Variants in CLK1 observed in about 807,000 individuals in gnomAD.
CLK1 encodes dual specificity protein kinase CLK1.
A neutral mutation model predicts 60.9 loss-of-function variants in CLK1; 40 were observed. That is an observed-to-expected ratio of 0.66 (90% CI 0.51 to 0.86). The LOEUF (loss-of-function observed/expected upper bound fraction) is 0.86, where lower values mean the gene tolerates loss of function less well. Ranked by LOEUF, CLK1 falls within the 40% of genes least tolerant of loss-of-function variation. CLK1 has a pLI of 0.00. For synonymous variants in CLK1, 203 were observed against 184.4 expected (o/e 1.10, Z -0.82); for missense variants, 563 against 606.1 (o/e 0.93, Z 0.75).
intron 3 of CLK1, chr2:200,860,975 A>G (rs569390039): frequency 8.1e-7 from 1 of 1,229,986 alleles, no homozygotes; most frequent in Non-Finnish European, 1.0e-6. Flanking sequence ...AATAATTTTC[A>G]ACTAATCTAA....
rs576072012 is a variant in CLK1, at chr2:200,864,295, T to C, written c.-1+269A>G. The C allele has an allele frequency of 1.5e-4, 217 of 1,480,526 alleles. 3 individuals carry two copies. The South Asian group carries it at 2.7e-3, about 19-fold the overall frequency. The allele number at this position is 1,480,526 out of a possible 1,614,324, so 91.7% of individuals were successfully genotyped here. ...ACCGTCCCGCGTCAGGCGGCGCCGC[T>C]TCCTCAGCGGAGGGCAGAAGCTCCA... On this transcript the variant is annotated intron_variant, in intron 1 of 12. Coordinates refer to ENST00000321356, the MANE Select transcript of CLK1 (RefSeq NM_004071.4).
At chr2:200,860,809 G>C (rs1463057354) in intron 3 of CLK1, 1 of 1,028,168 alleles carries the variant, frequency 9.7e-7, no homozygotes. Flanking sequence ...CTTAGTGAAA[G>C]AAGGGTTAGA....
intron 1 of CLK1, 44 bp from the exon 2 acceptor site, chr2:200,861,906 CTG>C (rs1285948605): frequency 7.0e-6 from 11 of 1,570,474 alleles, no homozygotes; most frequent in Non-Finnish European, 9.6e-6. Context: ...GTACCCCACA[CTG>C]AGCTGTTTAA....
intron 1 of CLK1, among the ~76,000 whole-genome samples, chr2:200,862,385 T>C (rs1295413203): frequency 6.6e-6 from 1 of 152,202 alleles, no homozygotes; most frequent in Non-Finnish European, 1.5e-5. Flanking sequence ...CAATATACTT[T>C]GTAATCTCCC....
chr2:200,857,021 C>CACCAA, intron 7 of CLK1, 36 bp from the exon 8 acceptor site: 1 of 1,555,994 alleles, frequency 6.4e-7, no homozygotes. Flanking sequence ...AATCAGAAAA[C>CACCAA]ACCAAACCAA....
At chr2:200,856,550 T>C in intron 9 of CLK1, 132 bp downstream of exon 9, 2 of 665,942 alleles carry the variant, frequency 3.0e-6, no homozygotes, top group Non-Finnish European at 4.9e-6. Flanking sequence ...TTAAAATCCA[T>C]AATGCACTTC....
Position 200,857,973 on chromosome 2 carries a change from A to G in CLK1, c.665T>C (p.Phe222Ser), listed in dbSNP as rs1365020932. 1.2e-6 allele frequency: 2 copies of G among 1,613,426 alleles called. No individual in the cohort carries two copies. Among genetic ancestry groups the G allele is most frequent in the South Asian group, 2.2e-5 (2 of 91,060 alleles). The change falls in exon 6 of 13, where the codon TTC (phenylalanine) becomes TCC (serine). Residue 222 changes from phenylalanine to serine, a missense_variant and splice_region_variant. By Grantham distance (155) the Phe-to-Ser change is radical (BLOSUM62 -2). Transcript: ENST00000321356. ...HLNTTDPNST[F>S]RCVQMLEWFE... Reference sequence around the variant, plus strand: ...TCCCAAGTTCTAATCTGATACTTACAAAGTACTGTTGGGGTCTGTTGTATT... The same window carrying G: ...TCCCAAGTTCTAATCTGATACTTACGAAGTACTGTTGGGGTCTGTTGTATT...
intron 9 of CLK1, among the ~76,000 whole-genome samples, chr2:200,855,970 C>T (rs1160451868): frequency 1.3e-5 from 2 of 151,414 alleles, no homozygotes; most frequent in African/African-American, 4.8e-5. Context: ...GATTGCACCA[C>T]TGCACTCCAG....
rs138594554 is a variant in CLK1, at chr2:200,854,690, G to A, written c.1146C>T (p.His382=). 40 of 1,599,028 alleles carry A rather than the reference G, an allele frequency of 2.5e-5. No individual in the cohort carries two copies. The highest frequency in any genetic ancestry group is 1.6e-4 in the African/African-American group (12 of 74,554). Residue 382 remains histidine (H), a synonymous_variant, in exon 11 of 13, where the codon CAC becomes CAT. Transcript: ENST00000321356. The stretch of plus-strand genomic sequence containing the variant: ...TCATTGCTAAATGCTCCTTACTATC[G>A]TGTGTCTAGAAATAAAATAAAAACA... ...YYLGFTVFPT[H]DSKEHLAMME... is the part of the protein sequence containing the mutation.
At chr2:200,854,775 C>T in intron 10 of CLK1, 80 bp from the exon 11 acceptor site, 1 of 1,056,300 alleles carries the variant, frequency 9.5e-7, no homozygotes, top group Non-Finnish European at 1.5e-6. Context: ...AAAAAACTAA[C>T]ATTAAGGCTT....
chr2:200,861,159 A>C lies in CLK1; in HGVS notation c.390+79T>G, dbSNP rs1346945087. 2.6e-6 allele frequency: 4 copies of C among 1,542,884 alleles called. No individual in the cohort carries two copies. The African/African-American group carries it at 5.5e-5, about 21-fold the overall frequency. ...TGATTTCATCTTAAAACTTTCTCAA[A>C]TAATCAAACACAAAAATTCAAGTTT... On this transcript the variant is annotated intron_variant, in intron 3 of 12. Transcript: ENST00000321356.
At chr2:200,864,032 T>C (rs2039186864) in intron 1 of CLK1, 2 of 1,466,806 alleles carry the variant, frequency 1.4e-6, no homozygotes, top group East Asian at 2.7e-5. Flanking sequence ...CTCGCGATGT[T>C]TACGCCGACA....
chr2:200,859,550 G>A (rs2039100821), intron 5 of CLK1, 130 bp downstream of exon 5: 7 of 591,260 alleles, frequency 1.2e-5, no homozygotes, highest in South Asian at 2.8e-5. Context: ...TTAACTGGAA[G>A]TGTCTTACAT....
chr2:200,858,906 C>T (rs1023827846), intron 5 of CLK1, among the ~76,000 whole-genome samples: 12 of 151,414 alleles, frequency 7.9e-5, no homozygotes, highest in Non-Finnish European at 2.9e-5. Flanking sequence ...TGGAGCCAAG[C>T]GCTCATGCCT....
In CLK1 at chr2:200,853,443, T is replaced by C. The variant is rs2038979002; in HGVS notation, c.1318A>G (p.Met440Val). Reference protein sequence around the residue: ...SRRCKPLKEFMLSQDVEHERL... With the variant: ...SRRCKPLKEFVLSQDVEHERL... ...TCATGTTCAACATCTTGAGAAAGCA[T>C]AAATTCCTGGAAGAAAAAAAGAAAT... Residue 440 changes from methionine (M) to valine (V), a missense_variant, in exon 13 of 13, where the codon ATG becomes GTG. Transcript: ENST00000321356. The C allele has an allele frequency of 1.9e-6, 3 of 1,602,518 alleles. No homozygotes were observed. The highest frequency in any genetic ancestry group is 2.2e-5 in the East Asian group (1 of 44,748).
rs555653462 is a variant in CLK1 at position 200,853,826 on chromosome 2, C to T, written c.1311+77G>A. 94 of 1,166,654 alleles carry T rather than the reference C, an allele frequency of 8.1e-5. No individual in the cohort carries two copies. The Middle Eastern group carries it at 1.2e-3, about 15-fold the overall frequency. The allele number at this position is 1,166,654 out of a possible 1,614,324, so 72.3% of individuals were successfully genotyped here. On this transcript the variant is annotated intron_variant, in intron 12 of 12. Coordinates refer to ENST00000321356, the MANE Select transcript of CLK1 (RefSeq NM_004071.4). Reference sequence around the variant, plus strand: ...TGCCACTCTACTCCAGCCTGGACAACGAAGCAAGGCTCGGTCTCAAAAGAC... The same window carrying T: ...TGCCACTCTACTCCAGCCTGGACAATGAAGCAAGGCTCGGTCTCAAAAGAC...
At chr2:200,863,634 G>T (rs1013376370) in intron 1 of CLK1, among the ~76,000 whole-genome samples, 2 of 152,144 alleles carry the variant, frequency 1.3e-5, no homozygotes, top group Non-Finnish European at 2.9e-5. Context: ...GAAGCGGATG[G>T]ATCACCTGAG....
chr2:200,854,592 A>T (rs749885322), intron 11 of CLK1, 24 bp downstream of exon 11: 4 of 1,374,866 alleles, frequency 2.9e-6, no homozygotes, highest in South Asian at 1.2e-5. Context: ...GATACTAAGG[A>T]TGTCACTAAC....
intron 7 of CLK1, 70 bp from the exon 8 acceptor site, chr2:200,857,055 AG>A: frequency 1.6e-6 from 2 of 1,263,484 alleles, no homozygotes; most frequent in Non-Finnish European, 1.1e-6. Context: ...ACCCCACAAC[AG>A]GCCGGGTGCA....
Sources: gnomAD v4.1 joint callset for allele counts (sites outside exome capture counted in the v4.1 genomes callset) on GRCh38, gnomAD v4.1.1 for gene constraint, MANE v1.5 for transcripts, NCBI Gene and HGNC (gene_info 2026-07-23, HGNC 2026-07-21) for gene names.